Variants in PPFIBP2 observed in about 807,000 individuals in gnomAD.
PPFIBP2 encodes the protein liprin-beta-2.
In PPFIBP2, 118 loss-of-function variants were observed where a neutral mutation model predicts 118.3. That is an observed-to-expected ratio of 1.00 (90% confidence interval 0.86 to 1.16). The LOEUF is 1.16. Ranked by LOEUF, PPFIBP2 falls within the 50% of genes most tolerant of loss-of-function variation. The pLI is 0.00. For synonymous variants in PPFIBP2, 414 were observed against 397.4 expected, an observed-to-expected ratio of 1.04 and a Z score of -0.50; for missense variants, 1,195 against 1,073.1, an observed-to-expected ratio of 1.11 and a Z score of -1.59.
intron 1 of PPFIBP2, among the ~76,000 whole-genome samples, chr11:7,514,483 G>C (rs1849058126): frequency 6.6e-6 from 1 of 152,216 alleles, no homozygotes. Context: ...TGCTCAGCCC[G>C]GGGAGCAGCG....
chr11:7,623,423 T>C (rs972124720), intron 7 of PPFIBP2, among the ~76,000 whole-genome samples: 1 of 152,226 alleles, frequency 6.6e-6, no homozygotes, highest in Non-Finnish European at 1.5e-5. Flanking sequence ...CACAGTCAAG[T>C]AGAAGGTCTC....
At chr11:7,631,695 T>A (rs1368103215) in intron 11 of PPFIBP2, among the ~76,000 whole-genome samples, 1 of 152,156 alleles carries the variant, frequency 6.6e-6, no homozygotes, top group Non-Finnish European at 1.5e-5. Context: ...GAAAAGAATC[T>A]TAGTGCTTCA....
At chr11:7,621,756 A>G (rs961744845) in intron 7 of PPFIBP2, among the ~76,000 whole-genome samples, 4 of 152,192 alleles carry the variant, frequency 2.6e-5, no homozygotes, top group African/African-American at 9.6e-5. Flanking sequence ...GAGTATGGGG[A>G]GGTGGGAGGC....
At chr11:7,539,963 CT>C (rs904577541) in intron 1 of PPFIBP2, among the ~76,000 whole-genome samples, 1 of 152,140 alleles carries the variant, frequency 6.6e-6, no homozygotes, top group African/African-American at 2.4e-5. Flanking sequence ...CAATGTGTCT[CT>C]TTTCACCTGA....
At chr11:7,568,755 T>A (rs1017484930) in intron 3 of PPFIBP2, 5 of 152,252 alleles carry the variant, frequency 3.3e-5, no homozygotes, top group Non-Finnish European at 5.9e-5. Context: ...TTTCTCAATA[T>A]GTTTTCTTTT....
chr11:7,592,356 C>T (rs867538688), intron 3 of PPFIBP2, among the ~76,000 whole-genome samples: 2 of 152,170 alleles, frequency 1.3e-5, no homozygotes, highest in Non-Finnish European at 1.5e-5. Context: ...TGCCTCTCCT[C>T]TGACATTTCA....
chr11:7,596,849 A>G (rs1019728135), intron 4 of PPFIBP2, among the ~76,000 whole-genome samples: 1 of 152,226 alleles, frequency 6.6e-6, no homozygotes, highest in African/African-American at 2.4e-5. Flanking sequence ...ATATATAGTT[A>G]GTGCATAATT....
intron 15 of PPFIBP2, chr11:7,641,008 T>C (rs1268101444): frequency 1.6e-6 from 2 of 1,268,762 alleles, no homozygotes; most frequent in South Asian, 2.5e-5. Flanking sequence ...TTCATGTGGC[T>C]TCTCTGCTTC....
downstream of PPFIBP2, among the ~76,000 whole-genome samples, chr11:7,654,731 T>C (rs939739227): frequency 6.6e-6 from 1 of 152,242 alleles, no homozygotes; most frequent in Admixed American, 6.5e-5. Context: ...TTGTTTCTTA[T>C]GTTGCGGTAC....
rs148675879 is a variant in PPFIBP2, at chr11:7,634,111, G to T, written c.1137-384G>T. ...AGGAGGCCCAGGTCCCTCCTCCCTG[G>T]ATTACTCTTAGACTCAGACAAGCCC... On this transcript the variant is annotated intron_variant, in intron 12 of 23. Coordinates refer to ENST00000299492, the MANE Select transcript of PPFIBP2 (RefSeq NM_003621.5). Among the ~76,000 whole-genome samples the T allele has an allele frequency of 9.1e-3, 1,381 of 152,248 alleles. 12 individuals carry two copies. Among genetic ancestry groups the T allele is most frequent in the Non-Finnish European group, 0.013 (881 of 68,020 alleles).
chr11:7,537,640 A>C (rs1261132380), intron 1 of PPFIBP2, among the ~76,000 whole-genome samples: 1 of 151,946 alleles, frequency 6.6e-6, no homozygotes, highest in African/African-American at 2.4e-5. Flanking sequence ...CTCCTCTCCG[A>C]AAGTTCTCTA....
At position 7,648,424 on chromosome 11, in the gene PPFIBP2, C is replaced by G. The variant is rs753622546; in HGVS notation, c.1684C>G (p.Arg562Gly). ...CCCCTTTGCCCAGTGGAGCACAGAG[C>G]GTGTGTGTGCATGGCTGGAGGACTT... ...NAPFAQWSTERVCAWLEDFGL... is the reference protein window; with the variant it reads ...NAPFAQWSTEGVCAWLEDFGL... Residue 562 changes from arginine (R) to glycine (G), a missense_variant, in exon 18 of 24, where the codon CGT becomes GGT. Arg to Gly is a moderately radical substitution (Grantham distance 125). Transcript: ENST00000299492. 6.2e-7 allele frequency: 1 copy of G among 1,614,092 alleles called. No individual in the cohort carries two copies. The highest frequency in any genetic ancestry group is 2.2e-5 in the East Asian group (1 of 44,862).
chr11:7,663,073 C>G, the PPFIBP2 span, among the ~76,000 whole-genome samples: 2 of 132,082 alleles, frequency 1.5e-5, no homozygotes, highest in African/African-American at 5.0e-5. Flanking sequence ...AAGTTTTCAA[C>G]TTCTTTGCCT....
intron 5 of PPFIBP2, among the ~76,000 whole-genome samples, chr11:7,604,190 G>A (rs1194122270): frequency 1.3e-5 from 2 of 152,172 alleles, no homozygotes; most frequent in African/African-American, 2.4e-5. Context: ...AGCCAGCAAA[G>A]AAAATGGAGA....
chr11:7,563,350 A>G (rs566053258), intron 2 of PPFIBP2, among the ~76,000 whole-genome samples: 1 of 151,908 alleles, frequency 6.6e-6, no homozygotes, highest in African/African-American at 2.4e-5. Flanking sequence ...TTCTAAGTCC[A>G]CTCTTAATTG....
chr11:7,657,806 G>A (rs900142413), downstream of PPFIBP2, among the ~76,000 whole-genome samples: 2 of 152,208 alleles, frequency 1.3e-5, no homozygotes, highest in African/African-American at 4.8e-5. Flanking sequence ...ACAGTGCCGT[G>A]TCTGCCCTTG....
intron 14 of PPFIBP2, among the ~76,000 whole-genome samples, chr11:7,638,669 A>G (rs972265627): frequency 1.3e-5 from 2 of 152,206 alleles, no homozygotes; most frequent in African/African-American, 4.8e-5. Flanking sequence ...TCAGGATCTA[A>G]TCAGGTGATC....
chr11:7,536,096 A>T (rs771524809), intron 1 of PPFIBP2, among the ~76,000 whole-genome samples: 1 of 152,170 alleles, frequency 6.6e-6, no homozygotes, highest in Admixed American at 6.5e-5. Context: ...AGGCAGTTTT[A>T]TTATTATCCT....
At chr11:7,549,651 ATATT>A in intron 2 of PPFIBP2, 112 bp downstream of exon 2, 1 of 1,096,896 alleles carries the variant, frequency 9.1e-7, no homozygotes, top group Non-Finnish European at 1.2e-6. Flanking sequence ...CCCTTTTGTT[ATATT>A]TATTTTTCAG....
Sources: gnomAD v4.1 joint callset for allele counts (sites outside exome capture counted in the v4.1 genomes callset) on GRCh38, gnomAD v4.1.1 for gene constraint, MANE v1.5 for transcripts, NCBI Gene and HGNC (gene_info 2026-07-23, HGNC 2026-07-21) for gene names.